FRK: variants seen among roughly 807,000 people sequenced by gnomAD.
FRK encodes fyn related Src family tyrosine kinase.
In FRK, 51 loss-of-function variants were observed where a neutral mutation model predicts 56.4. The ratio of observed to expected loss-of-function variants is 0.90; its 90% CI spans 0.72 to 1.14. FRK has a LOEUF of 1.14. Among genes scored for constraint, FRK ranks in the 50% most tolerant of loss-of-function variants. The pLI is 0.00. For synonymous variants in FRK, 245 were observed against 217.9 expected (o/e 1.12, Z -1.10); for missense variants, 570 against 601.4 (o/e 0.95, Z 0.55).
chr6:115,951,560 T>TTAATGACAACAATCAA (rs1772753226), intron 5 of FRK, among the ~76,000 whole-genome samples: 2 of 151,894 alleles, frequency 1.3e-5, no homozygotes, highest in South Asian at 4.2e-4. Context: ...TTACCCTCAA[T>TTAATGACAACAATCAA]ACTAAAGTTT....
chr6:116,037,147 T>G (rs1402129741), intron 1 of FRK, among the ~76,000 whole-genome samples: 1 of 152,080 alleles, frequency 6.6e-6, no homozygotes, highest in African/African-American at 2.4e-5. Context: ...AAGCCTTTGG[T>G]TTTACCACCT....
chr6:116,063,062 T>C (rs1360039433), upstream of FRK, among the ~76,000 whole-genome samples: 1 of 151,944 alleles, frequency 6.6e-6, no homozygotes, highest in Admixed American at 6.6e-5. Context: ...GTTTATAGAG[T>C]AGTTTTTATA....
chr6:115,937,470 T>G lies in FRK; in HGVS notation c.*4944A>C, dbSNP rs890676806. ...CATATGACAGAATCAAATTCACACA[T>G]AACAATACTAACCTTAAATGTAAAC... On this transcript the variant is annotated 3_prime_UTR_variant, in exon 8 of 8. Coordinates refer to ENST00000606080, the MANE Select transcript of FRK (RefSeq NM_002031.3). 3 of 152,064 alleles carry G rather than the reference T, an allele frequency of 2.0e-5. No homozygotes were observed. The highest frequency in any genetic ancestry group is 1.3e-4 in the Admixed American group (2 of 15,268). The allele number at this position is 152,064 out of a possible 1,614,324, so 9.4% of individuals were successfully genotyped here.
chr6:115,991,260 A>G (rs1302677551), intron 2 of FRK, among the ~76,000 whole-genome samples: 1 of 151,748 alleles, frequency 6.6e-6, no homozygotes, highest in Non-Finnish European at 1.5e-5. Context: ...AATGACTTTT[A>G]TTTCTTTTTC....
In FRK at chr6:115,933,687, T is replaced by C. The variant is rs930779879; in HGVS notation, c.*8727A>G. 6.6e-6 allele frequency: 1 copy of C among 152,204 alleles called. No homozygotes were observed. Among genetic ancestry groups the C allele is most frequent in the African/African-American group, 2.4e-5 (1 of 41,456 alleles). The allele number at this position is 152,204 out of a possible 1,614,324, so 9.4% of individuals were successfully genotyped here. A position where few individuals can be genotyped will look rare whatever the true frequency, so the allele number is the denominator to read the frequency against. On this transcript the variant is annotated 3_prime_UTR_variant, in exon 8 of 8. Transcript: ENST00000606080. ...GAATTTGCATATTGAAATGGGAATATTTCTATTCATTTCTATATGTGCGCA... is the reference window on the plus strand; with the variant it reads ...GAATTTGCATATTGAAATGGGAATACTTCTATTCATTTCTATATGTGCGCA...
At chr6:115,950,891 C>G (rs951193531) in intron 5 of FRK, among the ~76,000 whole-genome samples, 1 of 152,106 alleles carries the variant, frequency 6.6e-6, no homozygotes, top group African/African-American at 2.4e-5. Context: ...AAGCTGGAAA[C>G]CATCATTCTC....
At position 115,968,440 on chromosome 6, in the gene FRK, C is replaced by A. The variant is rs1413942106; in HGVS notation, c.630+136G>T. On this transcript the variant is annotated intron_variant, in intron 3 of 7. Transcript: ENST00000606080. The stretch of plus-strand genomic sequence containing the variant: ...CATACGTCAGTGTGAGCTCATAGGC[C>A]ATGGTTTGCCTATACCCGCCTGAGG... The A allele has an allele frequency of 8.6e-6, 7 of 814,584 alleles. No homozygotes were observed. In the African/African-American group the frequency reaches 1.2e-4, roughly 14 times the overall value. The allele number at this position is 814,584 out of a possible 1,614,324, so 50.5% of individuals were successfully genotyped here. A position where few individuals can be genotyped will look rare whatever the true frequency, so the allele number is the denominator to read the frequency against.
chr6:116,004,455 G>A (rs768081746), intron 1 of FRK, among the ~76,000 whole-genome samples: 4 of 152,090 alleles, frequency 2.6e-5, no homozygotes, highest in Non-Finnish European at 5.9e-5. Context: ...GTTAAAGTAC[G>A]AAGGATTAAA....
At chr6:115,945,293 C>A (rs1772379907) in intron 5 of FRK, among the ~76,000 whole-genome samples, 1 of 152,172 alleles carries the variant, frequency 6.6e-6, no homozygotes, top group Non-Finnish European at 1.5e-5. Context: ...GCTGCACTGT[C>A]TTCCACAATG....
the FRK span, among the ~76,000 whole-genome samples, chr6:116,074,403 G>T: frequency 1.3e-5 from 2 of 152,086 alleles, no homozygotes; most frequent in Non-Finnish European, 2.9e-5. Context: ...CTTCTTCTGG[G>T]TAATGAAATA....
chr6:116,068,430 A>G, the FRK span, among the ~76,000 whole-genome samples: 1 of 152,176 alleles, frequency 6.6e-6, no homozygotes, highest in African/African-American at 2.4e-5. Context: ...TTCCTTTTTC[A>G]TATAGAATTA....
At chr6:116,041,853 T>C (rs532296235) in intron 1 of FRK, among the ~76,000 whole-genome samples, 1 of 151,308 alleles carries the variant, frequency 6.6e-6, no homozygotes, top group East Asian at 2.0e-4. Flanking sequence ...GCTGTAGGAG[T>C]CTTTTTCATA....
chr6:115,980,114 CTT>C (rs1336245508), intron 2 of FRK, among the ~76,000 whole-genome samples: 1 of 152,018 alleles, frequency 6.6e-6, no homozygotes, highest in African/African-American at 2.4e-5. Flanking sequence ...AGAACTGACT[CTT>C]ATAATGTCCA....
intron 2 of FRK, among the ~76,000 whole-genome samples, chr6:115,976,914 T>C (rs1430602237): frequency 2.0e-5 from 3 of 152,146 alleles, no homozygotes; most frequent in Non-Finnish European, 4.4e-5. Flanking sequence ...TCCAAAGTAA[T>C]ATTTTCTACT....
chr6:116,084,483 C>T, the FRK span, among the ~76,000 whole-genome samples: 1 of 152,182 alleles, frequency 6.6e-6, no homozygotes, highest in African/African-American at 2.4e-5. Context: ...TCAGTGATTA[C>T]AGGCTGTGAT....
the FRK span, among the ~76,000 whole-genome samples, chr6:116,085,261 T>C: frequency 6.6e-6 from 1 of 152,180 alleles, no homozygotes; most frequent in African/African-American, 2.4e-5. Context: ...GGTTGGTACA[T>C]ACCGCATACA....
At chr6:116,032,966 G>C (rs1321983717) in intron 1 of FRK, among the ~76,000 whole-genome samples, 1 of 152,070 alleles carries the variant, frequency 6.6e-6, no homozygotes, top group Non-Finnish European at 1.5e-5. Context: ...TGCAATCAAG[G>C]GTTGTGAAAT....
At chr6:115,971,209 G>A (rs1374987179) in intron 2 of FRK, among the ~76,000 whole-genome samples, 3 of 152,158 alleles carry the variant, frequency 2.0e-5, no homozygotes, top group Non-Finnish European at 4.4e-5. Context: ...TATTATTTCA[G>A]TATGGAAGGT....
chr6:115,970,481 A>C (rs926172904), intron 2 of FRK, among the ~76,000 whole-genome samples: 1 of 152,242 alleles, frequency 6.6e-6, no homozygotes, highest in African/African-American at 2.4e-5. Context: ...CAACTAAAAA[A>C]CAATTGAATT....
Sources: allele counts gnomAD v4.1 joint callset (sites outside exome capture counted in the v4.1 genomes callset), GRCh38; gene constraint gnomAD v4.1.1; transcripts MANE v1.5; gene names NCBI Gene and HGNC (gene_info 2026-07-23, HGNC 2026-07-21).